STK33: variants seen among roughly 807,000 people sequenced by gnomAD.
The protein encoded by STK33 is serine/threonine-protein kinase 33.
A neutral mutation model predicts 58.0 loss-of-function variants in STK33; 52 were observed. The ratio of observed to expected loss-of-function variants is 0.90; its 90% CI spans 0.72 to 1.13. The LOEUF is 1.13. STK33 is among the 50% of genes most tolerant of loss of function. The pLI, the probability that STK33 is intolerant of heterozygous loss-of-function variation, is 0.00. For missense variants in STK33, 630 were observed against 604.2 expected, an observed-to-expected ratio of 1.04 and a Z score of -0.45; for synonymous variants, 215 against 200.1, an observed-to-expected ratio of 1.07 and a Z score of -0.63.
the STK33 span, among the ~76,000 whole-genome samples, chr11:8,365,145 CAG>C: frequency 6.6e-6 from 1 of 152,228 alleles, no homozygotes; most frequent in Non-Finnish European, 1.5e-5. Flanking sequence ...TGAGGTCACA[CAG>C]AGAGTCAAAC....
intron 6 of STK33, among the ~76,000 whole-genome samples, chr11:8,471,905 T>G (rs1039068329): frequency 3.9e-5 from 6 of 152,140 alleles, no homozygotes; most frequent in Non-Finnish European, 8.8e-5. Context: ...TAAAAGCTCT[T>G]AAGACTAAAT....
At chr11:8,558,255 T>C (rs1956896559) in intron 1 of STK33, among the ~76,000 whole-genome samples, 1 of 152,132 alleles carries the variant, frequency 6.6e-6, no homozygotes, top group South Asian at 2.1e-4. Context: ...CCAGCATAAA[T>C]TTGTTCAAAG....
the STK33 span, among the ~76,000 whole-genome samples, chr11:8,354,396 A>G: frequency 2.6e-5 from 4 of 150,966 alleles, no homozygotes; most frequent in Non-Finnish European, 4.4e-5. Flanking sequence ...TCCTAGGTTG[A>G]AGGCAGGTGC....
At chr11:8,372,457 C>A in the STK33 span, among the ~76,000 whole-genome samples, 1 of 152,198 alleles carries the variant, frequency 6.6e-6, no homozygotes, top group African/African-American at 2.4e-5. Flanking sequence ...CACCTGGGGT[C>A]CAACATGAAC....
intron 14 of STK33, among the ~76,000 whole-genome samples, chr11:8,424,097 CATT>C (rs1187613740): frequency 2.0e-5 from 3 of 151,788 alleles, no homozygotes; most frequent in Non-Finnish European, 1.5e-5. Context: ...ATTAACTCAT[CATT>C]TAACATTAGG....
intron 1 of STK33, among the ~76,000 whole-genome samples, chr11:8,488,766 C>T (rs1014032105): frequency 1.3e-5 from 2 of 152,002 alleles, no homozygotes; most frequent in African/African-American, 4.8e-5. Context: ...TCCAGAGTTG[C>T]CACATATAAA....
chr11:8,533,905 T>C (rs1365602256), intron 1 of STK33, among the ~76,000 whole-genome samples: 1 of 152,186 alleles, frequency 6.6e-6, no homozygotes, highest in East Asian at 1.9e-4. Flanking sequence ...GTGAAATGTA[T>C]CAACAAAGCA....
chr11:8,384,255 AG>A, the STK33 span, among the ~76,000 whole-genome samples: 5 of 152,360 alleles, frequency 3.3e-5, no homozygotes, highest in Admixed American at 6.5e-5. Flanking sequence ...CAGGAGCTGA[AG>A]GAACACTGTG....
At chr11:8,491,491 G>A (rs939492988) in intron 1 of STK33, among the ~76,000 whole-genome samples, 2 of 152,182 alleles carry the variant, frequency 1.3e-5, no homozygotes, top group Non-Finnish European at 2.9e-5. Context: ...AAGTGACAGG[G>A]AGAATGGAAC....
chr11:8,449,932 G>C (rs919545705), intron 11 of STK33, among the ~76,000 whole-genome samples: 4 of 152,158 alleles, frequency 2.6e-5, no homozygotes, highest in Non-Finnish European at 5.9e-5. Context: ...TGGAGAAATA[G>C]GAATGCTTTT....
chr11:8,396,527 C>G (rs1324910667), intron 15 of STK33, among the ~76,000 whole-genome samples: 1 of 152,204 alleles, frequency 6.6e-6, no homozygotes, highest in Admixed American at 6.5e-5. Context: ...GGAACAGCTC[C>G]AGTCTACAGC....
intron 1 of STK33, among the ~76,000 whole-genome samples, chr11:8,572,262 T>C (rs971329740): frequency 6.6e-6 from 1 of 152,082 alleles, no homozygotes; most frequent in African/African-American, 2.4e-5. Flanking sequence ...GGGTTTCATC[T>C]TGACAACAGA....
At chr11:8,350,695 CAG>C in the STK33 span, among the ~76,000 whole-genome samples, 4 of 152,106 alleles carry the variant, frequency 2.6e-5, no homozygotes, top group African/African-American at 7.2e-5. Context: ...CAGCCCATCA[CAG>C]AGGAACCTGC....
chr11:8,489,811 T>C (rs1950468603), intron 1 of STK33, among the ~76,000 whole-genome samples: 1 of 152,106 alleles, frequency 6.6e-6, no homozygotes, highest in African/African-American at 2.4e-5. Flanking sequence ...GCATAATAAC[T>C]AAAATGAAAA....
intron 1 of STK33, among the ~76,000 whole-genome samples, chr11:8,553,585 G>A (rs963524920): frequency 7.9e-5 from 12 of 152,006 alleles, no homozygotes; most frequent in African/African-American, 1.9e-4. Context: ...AAACAGCATG[G>A]TACTAGCATA....
At chr11:8,467,207 C>T (rs1044238953) in intron 6 of STK33, 5 of 152,230 alleles carry the variant, frequency 3.3e-5, no homozygotes, top group Admixed American at 3.3e-4. Flanking sequence ...GCTTGAATTT[C>T]TCCTCAGAAA....
chr11:8,371,484 T>G, the STK33 span, among the ~76,000 whole-genome samples: 1 of 152,188 alleles, frequency 6.6e-6, no homozygotes, highest in Non-Finnish European at 1.5e-5. Context: ...TATGAGGAAA[T>G]GCATTTCTGT....
At chr11:8,557,763 A>G (rs186513298) in intron 1 of STK33, among the ~76,000 whole-genome samples, 118 of 152,150 alleles carry the variant, frequency 7.8e-4, no homozygotes, top group African/African-American at 2.1e-3. Flanking sequence ...CTCAAAAAAG[A>G]TAACTAAGCT....
chr11:8,446,864 C>T (rs187332362), intron 11 of STK33, among the ~76,000 whole-genome samples: 1 of 152,092 alleles, frequency 6.6e-6, no homozygotes, highest in Admixed American at 6.6e-5. Context: ...CCATAAAAAA[C>T]CTAGAAGAAA....
Sources: allele counts gnomAD v4.1 joint callset (sites outside exome capture counted in the v4.1 genomes callset), GRCh38; gene constraint gnomAD v4.1.1; transcripts MANE v1.5; gene names NCBI Gene and HGNC (gene_info 2026-07-23, HGNC 2026-07-21).